ANK2: variants seen among roughly 807,000 people sequenced by gnomAD.
ANK2 encodes ankyrin 2, also known as ankyrin-2.
ANK2 carries 83 observed loss-of-function variants against 360.5 expected under a neutral mutation model. That is an observed-to-expected ratio of 0.23 (90% CI 0.19 to 0.28). The LOEUF is 0.28. Among genes scored for constraint, ANK2 ranks in the 10% least tolerant of loss-of-function variants. ANK2 has a pLI of 1.00. For synonymous variants in ANK2, 1,740 were observed against 1,759.5 expected (o/e 0.99, Z 0.28); for missense variants, 4,201 against 4,795.7 (o/e 0.88, Z 3.66).
chr4:113,332,339 G>A (rs2092659009), intron 28 of ANK2, among the ~76,000 whole-genome samples: 1 of 152,132 alleles, frequency 6.6e-6, no homozygotes, highest in South Asian at 2.1e-4. Flanking sequence ...CTATGTGCTA[G>A]TTATGATGTT....
chr4:112,782,529 C>A, the ANK2 span, among the ~76,000 whole-genome samples: 1 of 151,982 alleles, frequency 6.6e-6, no homozygotes, highest in South Asian at 2.1e-4. Flanking sequence ...TAGTATACCC[C>A]TGTGAGATAT....
At chr4:112,952,848 A>G (rs2095113480) in intron 2 of ANK2, among the ~76,000 whole-genome samples, 1 of 152,138 alleles carries the variant, frequency 6.6e-6, no homozygotes, top group East Asian at 1.9e-4. Context: ...TAAGGGGCAT[A>G]TTATTATTTT....
rs72901926 is a variant in ANK2 at position 113,340,108 on chromosome 4, C to T, written c.3893+786C>T. On this transcript the variant is annotated intron_variant, in intron 32 of 45. Transcript: ENST00000357077. ...CACCCAGAGGCTCAACTATTGAGTC[C>T]GCAGTTCTGTGTTTCAATGTGTTTT... 4.8e-3 allele frequency among the ~76,000 whole-genome samples: 737 copies of T among 152,138 alleles called. 3 individuals carry two copies. The highest frequency in any genetic ancestry group is 0.017 in the African/African-American group (719 of 41,492).
chr4:112,908,238 T>C (rs866562812), intron 2 of ANK2, among the ~76,000 whole-genome samples: 2 of 152,218 alleles, frequency 1.3e-5, no homozygotes, highest in Non-Finnish European at 2.9e-5. Context: ...ACTTGAGTTA[T>C]TGTTAATAGT....
At chr4:112,847,520 C>T (rs771484827) in intron 1 of ANK2, among the ~76,000 whole-genome samples, 11 of 152,222 alleles carry the variant, frequency 7.2e-5, no homozygotes, top group East Asian at 1.9e-4. Context: ...TGGTCTTCAG[C>T]GCAAAAATTG....
intron 2 of ANK2, chr4:113,034,402 T>C (rs1414923112): frequency 1.3e-5 from 2 of 152,016 alleles, no homozygotes; most frequent in African/African-American, 4.8e-5. Context: ...GTGACCAGAA[T>C]ACTGGAAAGA....
chr4:112,824,906 T>C (rs567542986), intron 1 of ANK2, among the ~76,000 whole-genome samples: 1 of 151,440 alleles, frequency 6.6e-6, no homozygotes, highest in Admixed American at 6.6e-5. Flanking sequence ...GATTTTAAGA[T>C]GATTTGGTAA....
the ANK2 span, among the ~76,000 whole-genome samples, chr4:112,713,640 G>T: frequency 6.6e-6 from 1 of 152,064 alleles, no homozygotes; most frequent in Non-Finnish European, 1.5e-5. Context: ...GTGCACCTAG[G>T]AATATAAATT....
At chr4:112,810,153 ATATATATTT>A in the ANK2 span, among the ~76,000 whole-genome samples, 15 of 23,510 alleles carry the variant, frequency 6.4e-4, no homozygotes, top group South Asian at 2.1e-3. Flanking sequence ...ATATATATAT[ATATATATTT>A]TTTTTTTTTT....
chr4:112,768,154 T>C, the ANK2 span, among the ~76,000 whole-genome samples: 117 of 152,346 alleles, frequency 7.7e-4, no homozygotes, highest in African/African-American at 2.7e-3. Flanking sequence ...ATGTTTACAT[T>C]GATATTACTC....
At chr4:113,116,330 C>T (rs1258922562) in intron 1 of ANK2, among the ~76,000 whole-genome samples, 1 of 152,108 alleles carries the variant, frequency 6.6e-6, no homozygotes, top group East Asian at 1.9e-4. Flanking sequence ...TCCCTGCCTT[C>T]CTCTCCCTCT....
At chr4:113,060,701 T>C (rs867109014) in intron 1 of ANK2, among the ~76,000 whole-genome samples, 2,889 of 85,854 alleles carry the variant, frequency 0.034, 36 homozygotes, top group South Asian at 0.072. Context: ...TTTTTTTTTT[T>C]CCCAAATACG....
chr4:113,374,963 A>G, intron 45 of ANK2: 4 of 1,096,270 alleles, frequency 3.6e-6, no homozygotes, highest in Non-Finnish European at 4.5e-6. Context: ...AAGCATCATC[A>G]TTTGTCTTTT....
Position 113,354,507 on chromosome 4 carries a change from G to A in ANK2, c.5889G>A (p.Val1963=). The change falls in exon 38 of 46, where the codon GTG becomes GTA. Residue 1963 remains valine (V), a synonymous_variant. Coordinates refer to ENST00000357077, the MANE Select transcript of ANK2 (RefSeq NM_001148.6). ...TAGKTEKHLP[V]SPSGKTEKQP... ...GGAAAACTGAGAAGCACCTGCCTGT[G>A]TCACCTTCTGGCAAAACAGAAAAGC... 6.2e-7 allele frequency: 1 copy of A among 1,614,116 alleles called. No homozygotes were observed. The highest frequency in any genetic ancestry group is 8.5e-7 in the Non-Finnish European group (1 of 1,179,988).
At chr4:112,800,226 G>A in the ANK2 span, among the ~76,000 whole-genome samples, 2 of 152,132 alleles carry the variant, frequency 1.3e-5, no homozygotes, top group African/African-American at 2.4e-5. Flanking sequence ...GATATGATAG[G>A]CCAATTAAAG....
intron 26 of ANK2, 45 bp from the exon 27 acceptor site, chr4:113,330,201 C>T (rs2153920541): frequency 6.4e-7 from 1 of 1,555,844 alleles, no homozygotes; most frequent in Non-Finnish European, 8.8e-7. Context: ...GTTCATCTGC[C>T]CCCAATATTT....
intron 1 of ANK2, among the ~76,000 whole-genome samples, chr4:113,102,080 A>T (rs2092941447): frequency 6.6e-6 from 1 of 152,122 alleles, no homozygotes; most frequent in South Asian, 2.1e-4. Context: ...GGTGGAAACA[A>T]TTCTATAATT....
intron 2 of ANK2, among the ~76,000 whole-genome samples, chr4:112,918,408 A>G (rs1211257501): frequency 6.6e-6 from 1 of 152,182 alleles, no homozygotes; most frequent in Non-Finnish European, 1.5e-5. Flanking sequence ...TAGTGAAAAA[A>G]AAAGATGATC....
intron 13 of ANK2, 125 bp downstream of exon 13, chr4:113,258,536 C>T (rs1170792333): frequency 1.2e-6 from 1 of 865,126 alleles, no homozygotes; most frequent in African/African-American, 1.6e-5. Context: ...GAGAAGGGCC[C>T]TTGTAATAAC....
Sources: gnomAD v4.1 joint callset for allele counts (sites outside exome capture counted in the v4.1 genomes callset) on GRCh38, gnomAD v4.1.1 for gene constraint, MANE v1.5 for transcripts, NCBI Gene and HGNC (gene_info 2026-07-23, HGNC 2026-07-21) for gene names.